The following C1orf141 variants were observed in gnomAD, a reference collection of about 807,000 sequenced individuals.
C1orf141 encodes chromosome 1 open reading frame 141.
Under a neutral mutation model 23.2 loss-of-function variants are expected in C1orf141, and 19 were observed. The ratio of observed to expected loss-of-function variants is 0.82; its 90% CI spans 0.57 to 1.20. The LOEUF (loss-of-function observed/expected upper bound fraction) is 1.20, where lower values mean the gene tolerates loss of function less well. Ranked by LOEUF, C1orf141 falls within the 50% of genes most tolerant of loss-of-function variation. The probability of loss-of-function intolerance (pLI) is 0.00; values close to 1 mark genes in which losing one functional copy is unlikely to be tolerated. For missense variants in C1orf141, 469 were observed against 455.1 expected, an observed-to-expected ratio of 1.03 and a Z score of -0.28; for synonymous variants, 153 against 154.6, an observed-to-expected ratio of 0.99 and a Z score of 0.08.
At position 67,093,152 on chromosome 1, in the gene C1orf141, A is replaced by G. The variant is rs1414977290; in HGVS notation, c.1056T>C (p.Ser352=). ...AQTGKFERMF[S]AGKPTSIPTS... Reference sequence around the variant, plus strand: ...TGGGTATGCTCGTTGGTTTTCCTGCAGAAAACATTCTTTCAAATTTTCCAG... The same window carrying G: ...TGGGTATGCTCGTTGGTTTTCCTGCGGAAAACATTCTTTCAAATTTTCCAG... Residue 352 remains serine (S), a synonymous_variant, in exon 8 of 8, where the codon TCT becomes TCC. Transcript: ENST00000684719. The G allele has an allele frequency of 6.2e-7, 1 of 1,613,992 alleles. No individual in the cohort carries two copies. Among genetic ancestry groups the G allele is most frequent in the Non-Finnish European group, 8.5e-7 (1 of 1,179,884 alleles).
intron 1 of C1orf141, among the ~76,000 whole-genome samples, chr1:67,133,831 C>T (rs1204342365): frequency 6.6e-6 from 1 of 152,144 alleles, no homozygotes; most frequent in Non-Finnish European, 1.5e-5. Flanking sequence ...CCATTTCCAA[C>T]TTTTAGTGTC....
intron 2 of C1orf141, 44 bp downstream of exon 2, chr1:67,131,098 T>C (rs1646508028): frequency 6.6e-6 from 1 of 152,342 alleles, no homozygotes; most frequent in South Asian, 2.1e-4. Flanking sequence ...TAATGCAAAA[T>C]GAATCAAGAC....
chr1:67,093,674 C>A, intron 7 of C1orf141, 70 bp from the exon 8 acceptor site: 1 of 1,228,908 alleles, frequency 8.1e-7, no homozygotes, highest in Non-Finnish European at 1.1e-6. Context: ...TATTTTAAAA[C>A]ATGTAAATAA....
chr1:67,134,414 T>C (rs763040617), intron 1 of C1orf141, among the ~76,000 whole-genome samples: 1 of 152,252 alleles, frequency 6.6e-6, no homozygotes, highest in Non-Finnish European at 1.5e-5. Flanking sequence ...AAGAATTGAT[T>C]AGCCAGCTCG....
chr1:67,097,457 C>A (rs1645707649), intron 5 of C1orf141, among the ~76,000 whole-genome samples: 1 of 151,928 alleles, frequency 6.6e-6, no homozygotes, highest in Middle Eastern at 3.2e-3. Context: ...GTGAAGCCAG[C>A]ATGGAATGCT....
chr1:67,093,173 T>C lies in C1orf141; in HGVS notation c.1035A>G (p.Gly345=). Residue 345 remains glycine (G), a synonymous_variant, in exon 8 of 8, where the codon GGA becomes GGG. Transcript: ENST00000684719. ...CTGCAGAAAACATTCTTTCAAATTTTCCAGTTTGGGCACTCATTTCATGAA... is the reference window on the plus strand; with the variant it reads ...CTGCAGAAAACATTCTTTCAAATTTCCCAGTTTGGGCACTCATTTCATGAA... ...AVIHEMSAQT[G]KFERMFSAGK... is the part of the protein sequence containing the mutation. 6.2e-7 allele frequency: 1 copy of C among 1,613,958 alleles called. No homozygotes were observed. The highest frequency in any genetic ancestry group is 8.5e-7 in the Non-Finnish European group (1 of 1,179,874).
At chr1:67,109,147 G>A (rs1646005499) in intron 5 of C1orf141, among the ~76,000 whole-genome samples, 1 of 152,050 alleles carries the variant, frequency 6.6e-6, no homozygotes, top group African/African-American at 2.4e-5. Flanking sequence ...CTAACACGGT[G>A]AAACCCCGTC....
rs1645581962 is a variant in C1orf141, at chr1:67,092,818, CCTA to C, written c.*184_*186del. ...GGTGATAATTATTTCCTAATTTTGTCCTACTATTTTCTAAAAATGTTGATTGTT... is the reference window on the plus strand; with the variant it reads ...GGTGATAATTATTTCCTAATTTTGTCCTATTTTCTAAAAATGTTGATTGTT... On this transcript the variant is annotated 3_prime_UTR_variant, in exon 8 of 8. Transcript: ENST00000684719. 7.1e-6 allele frequency: 3 copies of C among 420,206 alleles called. No individual in the cohort carries two copies. The highest frequency in any genetic ancestry group is 1.3e-5 in the Non-Finnish European group (3 of 236,352). 26.0% of individuals were successfully genotyped at this position (420,206 alleles called of 1,614,324 possible).
At chr1:67,125,942 A>C (rs1240645989) in intron 3 of C1orf141, 33 bp from the exon 4 acceptor site, 2 of 1,517,960 alleles carry the variant, frequency 1.3e-6, no homozygotes, top group Non-Finnish European at 1.8e-6. Context: ...AAAAAAAAAA[A>C]AAAAAGAGTA....
In C1orf141 at chr1:67,093,008, T is replaced by C. The variant is rs146603267; in HGVS notation, c.1200A>G (p.Ser400=). The C allele has an allele frequency of 1.2e-3, 1,860 of 1,575,664 alleles. 20 individuals are homozygous for C. In the African/African-American group the frequency reaches 0.023, roughly 20 times the overall value. The change falls in exon 8 of 8, where the codon TCA becomes TCG. Residue 400 remains serine (S), a synonymous_variant. Transcript: ENST00000684719. ...LNLSNEILNA[S] is the part of the protein sequence containing the mutation. ...ATATTGCTGCATACATAATATTTTA[T>C]GAGGCATTTAAAATTTCATTTGATA... is the stretch of plus-strand genomic sequence containing the variant.
Position 67,092,974 on chromosome 1 carries a change from G to C in C1orf141, c.*31C>G. On this transcript the variant is annotated 3_prime_UTR_variant, in exon 8 of 8. Coordinates refer to ENST00000684719, the MANE Select transcript of C1orf141 (RefSeq NM_001276351.2). ...TTTGGAACTTGGATATTTGCTTCTTGTTACTCAAATATTGCTGCATACATA... is the reference window on the plus strand; with the variant it reads ...TTTGGAACTTGGATATTTGCTTCTTCTTACTCAAATATTGCTGCATACATA... 6.7e-7 allele frequency: 1 copy of C among 1,499,610 alleles called. No individual in the cohort carries two copies. Among genetic ancestry groups the C allele is most frequent in the Non-Finnish European group, 9.0e-7 (1 of 1,108,316 alleles). The allele number at this position is 1,499,610 out of a possible 1,614,324, so 92.9% of individuals were successfully genotyped here.
chr1:67,098,406 C>T (rs1325231583), intron 5 of C1orf141, among the ~76,000 whole-genome samples: 1 of 152,100 alleles, frequency 6.6e-6, no homozygotes, highest in Non-Finnish European at 1.5e-5. Context: ...CTTATAGTCT[C>T]AGCTACTTGG....
At chr1:67,109,544 A>AT (rs1424463495) in intron 5 of C1orf141, among the ~76,000 whole-genome samples, 1 of 152,128 alleles carries the variant, frequency 6.6e-6, no homozygotes, top group Non-Finnish European at 1.5e-5. Flanking sequence ...AAACTTGATC[A>AT]TTTTCACATA....
Position 67,093,042 on chromosome 1 carries a change from A to G in C1orf141, c.1166T>C (p.Leu389Ser), listed in dbSNP as rs763143874. The change falls in exon 8 of 8, where the codon TTG becomes TCG. Residue 389 changes from leucine to serine, a missense_variant. Physicochemically the swap from Leu to Ser is moderately radical, Grantham distance 145. Around this residue, in one of 3 missense-constraint regions of C1orf141, gnomAD observed 370 missense variants for 348.1 expected, o/e 1.06. Coordinates refer to ENST00000684719, the MANE Select transcript of C1orf141 (RefSeq NM_001276351.2). Reference protein sequence around the residue: ...ELNNVTPLDNLLNLSNEILNA... With the variant: ...ELNNVTPLDNSLNLSNEILNA... ...TAAAATTTCATTTGATAAGTTTAAC[A>G]AATTATCCAGTGGCGTTACATTATT... 2 of 1,594,834 alleles carry G rather than the reference A, an allele frequency of 1.3e-6. No individual in the cohort carries two copies. Among genetic ancestry groups the G allele is most frequent in the South Asian group, 1.1e-5 (1 of 88,558 alleles).
At chr1:67,131,043 G>A (rs542994781) in intron 2 of C1orf141, 99 bp downstream of exon 2, 2 of 152,414 alleles carry the variant, frequency 1.3e-5, no homozygotes, top group East Asian at 3.8e-4. Flanking sequence ...GTACTAATAT[G>A]ATGGTGTTCC....
intron 3 of C1orf141, among the ~76,000 whole-genome samples, chr1:67,126,563 C>G (rs1361211314): frequency 2.1e-4 from 32 of 152,196 alleles, no homozygotes; most frequent in Admixed American, 2.1e-3. Flanking sequence ...GGGAATTAGT[C>G]TCCTGCTCTC....
Position 67,096,277 on chromosome 1 carries a change from G to A in C1orf141, c.391C>T (p.Leu131Phe). ...KPRKPLDSVGLLEGDRNKRKK... is the reference protein window; with the variant it reads ...KPRKPLDSVGFLEGDRNKRKK... ...CTTTTATTTCTATCACCTTCTAAGA[G>A]ACCAACAGAATCCAATGGTTTCCTA... Residue 131 changes from leucine to phenylalanine, a missense_variant, in exon 6 of 8, where the codon CTC becomes TTC. By Grantham distance (22) the Leu-to-Phe change is conservative. Coordinates refer to ENST00000684719, the MANE Select transcript of C1orf141 (RefSeq NM_001276351.2). The A allele has an allele frequency of 6.6e-7, 1 of 1,525,768 alleles. No homozygotes were observed. The highest frequency in any genetic ancestry group is 1.2e-5 in the South Asian group (1 of 82,430). 94.5% of individuals were successfully genotyped at this position (1,525,768 alleles called of 1,614,324 possible). A position where few individuals can be genotyped will look rare whatever the true frequency, so the allele number is the denominator to read the frequency against.
rs1645596055 is a variant in C1orf141 at position 67,093,381 on chromosome 1, T to C, written c.827A>G (p.Gln276Arg). Residue 276 changes from glutamine (Q) to arginine (R), a missense_variant, in exon 8 of 8, where the codon CAG becomes CGG. Physicochemically the swap from Gln to Arg is conservative, Grantham distance 43 (BLOSUM62 1). Around this residue, in one of 3 missense-constraint regions of C1orf141, gnomAD observed 370 missense variants for 348.1 expected, o/e 1.06. Transcript: ENST00000684719. ...CATAGGGATCTGTATATCTTTTCTCTGTACTGTAGGCATAGTTTTTTGGGG... is the reference window on the plus strand; with the variant it reads ...CATAGGGATCTGTATATCTTTTCTCCGTACTGTAGGCATAGTTTTTTGGGG... ...FKPQKTMPTV[Q>R]RKDIQIPMSF... is the part of the protein sequence containing the mutation. The C allele has an allele frequency of 6.2e-7, 1 of 1,613,336 alleles. No individual in the cohort carries two copies. The highest frequency in any genetic ancestry group is 8.5e-7 in the Non-Finnish European group (1 of 1,179,772).
chr1:67,124,414 G>A (rs1646362648), intron 4 of C1orf141, among the ~76,000 whole-genome samples: 1 of 152,132 alleles, frequency 6.6e-6, no homozygotes, highest in African/African-American at 2.4e-5. Context: ...CCGAGTTCAA[G>A]CAATTCTCAT....
Sources: gnomAD v4.1 joint callset for allele counts (sites outside exome capture counted in the v4.1 genomes callset) on GRCh38, gnomAD v4.1.1 for gene constraint, gnomAD v4.1.1 regional missense constraint, MANE v1.5 for transcripts, NCBI Gene and HGNC (gene_info 2026-07-23, HGNC 2026-07-21) for gene names.